RUFY2: variants seen among roughly 807,000 people sequenced by gnomAD.
The protein encoded by RUFY2 is RUN and FYVE domain-containing protein 2.
In RUFY2, 49 loss-of-function variants were observed where a neutral mutation model predicts 94.4. The observed-to-expected ratio is 0.52, with a 90% confidence interval of 0.41 to 0.66. RUFY2 has a LOEUF of 0.66. Among genes scored for constraint, RUFY2 ranks in the 30% least tolerant of loss-of-function variants. RUFY2 has a pLI of 0.00. For missense variants in RUFY2, 541 were observed against 692.8 expected, an observed-to-expected ratio of 0.78 and a Z score of 2.46; for synonymous variants, 255 against 235.7, an observed-to-expected ratio of 1.08 and a Z score of -0.75.
At chr10:68,400,375 C>T (rs2050721250) in intron 3 of RUFY2, among the ~76,000 whole-genome samples, 1 of 151,944 alleles carries the variant, frequency 6.6e-6, no homozygotes, top group Non-Finnish European at 1.5e-5. Flanking sequence ...TTTAATTACA[C>T]TCTAAAGAAT....
intron 15 of RUFY2, among the ~76,000 whole-genome samples, chr10:68,362,570 C>T (rs1210247989): frequency 6.6e-6 from 1 of 151,502 alleles, no homozygotes; most frequent in African/African-American, 2.4e-5. Context: ...GGTGGGAGGA[C>T]TGCTTGAGGT....
rs901464394 is a variant in RUFY2, at chr10:68,394,016, T to C, written c.584+59A>G. 6.1e-6 allele frequency: 9 copies of C among 1,466,726 alleles called. No homozygotes were observed. In the African/African-American group the frequency reaches 1.3e-4, roughly 21 times the overall value. 90.9% of individuals were successfully genotyped at this position (1,466,726 alleles called of 1,614,324 possible). ...CACTGTAAATAGATGGATCTTATAA[T>C]GATTTGTAAAGAGCTATATAAAAAA... On this transcript the variant is annotated intron_variant, in intron 6 of 17. Coordinates refer to ENST00000602465, the MANE Select transcript of RUFY2 (RefSeq NM_001330103.2).
intron 8 of RUFY2, among the ~76,000 whole-genome samples, chr10:68,385,207 T>C (rs995997882): frequency 8.4e-4 from 127 of 151,134 alleles, no homozygotes; most frequent in African/African-American, 2.9e-3. Flanking sequence ...GAGGTTGCAG[T>C]GAGCCGAGAT....
intron 1 of RUFY2, chr10:68,405,837 G>A: frequency 3.0e-6 from 1 of 328,066 alleles, no homozygotes; most frequent in Non-Finnish European, 4.4e-6. Flanking sequence ...ACACAGTTGA[G>A]GATGCCCACA....
Position 68,345,652 on chromosome 10 carries a change from C to T in RUFY2, c.*116G>A. 1 of 798,240 alleles carries T rather than the reference C, an allele frequency of 1.3e-6. No individual in the cohort carries two copies. Among genetic ancestry groups the T allele is most frequent in the Non-Finnish European group, 2.0e-6 (1 of 498,820 alleles). 49.4% of individuals were successfully genotyped at this position (798,240 alleles called of 1,614,324 possible). A position where few individuals can be genotyped will look rare whatever the true frequency, so the allele number is the denominator to read the frequency against. ...ATGAGCTGAATATGTAGAAGATAAA[C>T]TGGTACCAAATACTGACCGAAAGCC... On this transcript the variant is annotated 3_prime_UTR_variant, in exon 18 of 18. Coordinates refer to ENST00000602465, the MANE Select transcript of RUFY2 (RefSeq NM_001330103.2).
chr10:68,341,940 A>G (rs1464729993), downstream of RUFY2: 1 of 1,603,458 alleles, frequency 6.2e-7, no homozygotes, highest in Admixed American at 1.7e-5. Context: ...TTATGCAGAT[A>G]TCTCCTGCTG....
chr10:68,350,358 C>A (rs1446258180), intron 16 of RUFY2, among the ~76,000 whole-genome samples: 1 of 152,072 alleles, frequency 6.6e-6, no homozygotes, highest in Non-Finnish European at 1.5e-5. Flanking sequence ...AACAAGTAGA[C>A]AGGAACAAGT....
intron 10 of RUFY2, among the ~76,000 whole-genome samples, chr10:68,381,823 G>A (rs1482254650): frequency 6.6e-6 from 1 of 152,154 alleles, no homozygotes; most frequent in African/African-American, 2.4e-5. Flanking sequence ...ACTCCAGCGG[G>A]GGCAAGAGAG....
At chr10:68,398,531 A>T (rs908190943) in intron 3 of RUFY2, among the ~76,000 whole-genome samples, 7 of 152,134 alleles carry the variant, frequency 4.6e-5, no homozygotes, top group Non-Finnish European at 8.8e-5. Context: ...ATGAGCCCGT[A>T]ATCCCAGCTA....
chr10:68,378,769 G>A, intron 12 of RUFY2: 1 of 758,624 alleles, frequency 1.3e-6, no homozygotes, highest in Non-Finnish European at 2.1e-6. Flanking sequence ...GAAAAAAGAA[G>A]AAAGAGGATG....
At chr10:68,390,175 G>T (rs978549074) in intron 7 of RUFY2, among the ~76,000 whole-genome samples, 1 of 151,898 alleles carries the variant, frequency 6.6e-6, no homozygotes, top group East Asian at 1.9e-4. Flanking sequence ...TATTTCCTAC[G>T]ATTTCTATTA....
chr10:68,356,464 C>T (rs1011991876), intron 15 of RUFY2, among the ~76,000 whole-genome samples: 8 of 152,024 alleles, frequency 5.3e-5, no homozygotes, highest in Non-Finnish European at 1.2e-4. Flanking sequence ...CAAGATCACA[C>T]CACTGCACTC....
At chr10:68,371,131 CAAAAA>C (rs58880698) in intron 13 of RUFY2, among the ~76,000 whole-genome samples, 2 of 59,172 alleles carry the variant, frequency 3.4e-5, no homozygotes, top group Non-Finnish European at 3.3e-5. Flanking sequence ...GGCTCTGTCT[CAAAAA>C]AAAAAAAAAA....
intron 7 of RUFY2, 59 bp from the exon 8 acceptor site, chr10:68,386,187 A>C: frequency 7.4e-7 from 1 of 1,357,428 alleles, no homozygotes; most frequent in Non-Finnish European, 1.0e-6. Flanking sequence ...AAGGCACGAA[A>C]AAATATGTTA....
chr10:68,380,019 A>G (rs2048934851), intron 11 of RUFY2, among the ~76,000 whole-genome samples: 1 of 151,970 alleles, frequency 6.6e-6, no homozygotes, highest in African/African-American at 2.4e-5. Context: ...TGTGTTAGTC[A>G]GGATGGTCTC....
intron 13 of RUFY2, among the ~76,000 whole-genome samples, chr10:68,375,491 T>A (rs781538492): frequency 1.3e-5 from 2 of 151,648 alleles, no homozygotes; most frequent in Admixed American, 6.6e-5. Flanking sequence ...TTAGAGACAA[T>A]TGGCCGGGTG....
At chr10:68,372,874 C>T (rs987370105) in intron 13 of RUFY2, among the ~76,000 whole-genome samples, 1 of 151,530 alleles carries the variant, frequency 6.6e-6, no homozygotes, top group African/African-American at 2.4e-5. Context: ...CACCACTGCA[C>T]TCCAGCCTGG....
intron 7 of RUFY2, among the ~76,000 whole-genome samples, chr10:68,390,427 A>G (rs555744621): frequency 5.9e-5 from 9 of 152,332 alleles, no homozygotes; most frequent in African/African-American, 2.2e-4. Flanking sequence ...AATGTGATTA[A>G]TGAAAACACT....
intron 13 of RUFY2, among the ~76,000 whole-genome samples, chr10:68,369,563 C>G (rs546284490): frequency 6.6e-6 from 1 of 151,866 alleles, no homozygotes; most frequent in Admixed American, 6.6e-5. Context: ...AGGTCTCTGC[C>G]TTCATGAATG....
Sources: gnomAD v4.1 joint callset for allele counts (sites outside exome capture counted in the v4.1 genomes callset) on GRCh38, gnomAD v4.1.1 for gene constraint, MANE v1.5 for transcripts, NCBI Gene and HGNC (gene_info 2026-07-23, HGNC 2026-07-21) for gene names.